HTR4: variants seen among roughly 807,000 people sequenced by gnomAD.
HTR4 encodes the protein 5-hydroxytryptamine (serotonin) receptor 4, G protein-coupled.
Under a neutral mutation model 36.8 loss-of-function variants are expected in HTR4, and 16 were observed. The ratio of observed to expected loss-of-function variants is 0.43; its 90% CI spans 0.29 to 0.66. The LOEUF is 0.66. Among genes scored for constraint, HTR4 ranks in the 30% least tolerant of loss-of-function variants. The pLI is 0.13. For synonymous variants in HTR4, 189 were observed against 185.1 expected (o/e 1.02, Z -0.17); for missense variants, 438 against 490.9 (o/e 0.89, Z 1.02).
chr5:148,608,392 C>T (rs1419885513), intron 2 of HTR4, among the ~76,000 whole-genome samples: 1 of 152,032 alleles, frequency 6.6e-6, no homozygotes, highest in African/African-American at 2.4e-5. Flanking sequence ...TGGTGGTCCA[C>T]AAAAGCTTCT....
Position 148,509,703 on chromosome 5 carries a change from C to A in HTR4, c.829G>T (p.Val277Phe). 6.2e-7 allele frequency: 1 copy of A among 1,614,082 alleles called. No homozygotes were observed. The highest frequency in any genetic ancestry group is 8.5e-7 in the Non-Finnish European group (1 of 1,180,002). The change falls in exon 6 of 7, where the codon GTC becomes TTC. Residue 277 changes from valine to phenylalanine, a missense_variant. Val to Phe is a conservative substitution (Grantham distance 50). Transcript: ENST00000377888. ...CFCLCWAPFF[V>F]TNIVDPFIDY... ...ATGAAAGGATCCACAATATTGGTGACAAAGAATGGTGCCCAGCAGAGGCAG... is the reference window on the plus strand; with the variant it reads ...ATGAAAGGATCCACAATATTGGTGAAAAAGAATGGTGCCCAGCAGAGGCAG...
intron 4 of HTR4, among the ~76,000 whole-genome samples, chr5:148,547,787 G>A (rs915689728): frequency 9.2e-5 from 14 of 152,034 alleles, no homozygotes; most frequent in African/African-American, 3.4e-4. Context: ...TCCCAAGACT[G>A]GAGGAAAACT....
intron 5 of HTR4, among the ~76,000 whole-genome samples, chr5:148,512,378 G>A (rs180702055): frequency 1.2e-4 from 18 of 152,100 alleles, no homozygotes; most frequent in African/African-American, 4.1e-4. Flanking sequence ...TTGCCCTTTC[G>A]ATATCCTGTC....
intron 2 of HTR4, among the ~76,000 whole-genome samples, chr5:148,563,597 A>G (rs552410871): frequency 3.5e-4 from 54 of 152,220 alleles, no homozygotes; most frequent in Non-Finnish European, 1.2e-4. Flanking sequence ...GGTTCTCTGT[A>G]TCTGTGGGTT....
intron 2 of HTR4, among the ~76,000 whole-genome samples, chr5:148,578,554 C>A (rs17108447): frequency 6.6e-6 from 1 of 152,018 alleles, no homozygotes; most frequent in African/African-American, 2.4e-5. Context: ...TCAACAATAA[C>A]GAATTTTCCT....
intron 4 of HTR4, among the ~76,000 whole-genome samples, chr5:148,529,599 G>A (rs1053450743): frequency 1.3e-5 from 2 of 152,216 alleles, no homozygotes; most frequent in African/African-American, 4.8e-5. Flanking sequence ...TCTTGGGTAT[G>A]TCTTTATCAG....
chr5:148,628,183 C>T (rs756026788), intron 2 of HTR4, among the ~76,000 whole-genome samples: 2 of 152,196 alleles, frequency 1.3e-5, no homozygotes, highest in African/African-American at 2.4e-5. Flanking sequence ...AAATGATAGA[C>T]CTTTTGCCAC....
intron 5 of HTR4, among the ~76,000 whole-genome samples, chr5:148,456,639 G>A (rs1755108646): frequency 6.6e-6 from 1 of 152,214 alleles, no homozygotes; most frequent in Non-Finnish European, 1.5e-5. Flanking sequence ...CACAATGGAT[G>A]CAGTAATCTT....
At chr5:148,464,423 A>G (rs769628919) in intron 5 of HTR4, among the ~76,000 whole-genome samples, 6 of 152,216 alleles carry the variant, frequency 3.9e-5, no homozygotes, top group Non-Finnish European at 7.3e-5. Flanking sequence ...AATTTTAAAA[A>G]TGGGCCAAAG....
chr5:148,561,875 A>G (rs1490142289), intron 2 of HTR4, among the ~76,000 whole-genome samples: 1 of 152,216 alleles, frequency 6.6e-6, no homozygotes, highest in Non-Finnish European at 1.5e-5. Flanking sequence ...CTCTGATAGT[A>G]ACCTGCTCTC....
intron 5 of HTR4, among the ~76,000 whole-genome samples, chr5:148,470,183 G>A (rs1043832509): frequency 6.6e-6 from 1 of 152,198 alleles, no homozygotes; most frequent in Non-Finnish European, 1.5e-5. Flanking sequence ...AATAACTGAT[G>A]ACAGTGGTAA....
chr5:148,576,666 C>T (rs532584018), intron 2 of HTR4, among the ~76,000 whole-genome samples: 50 of 152,164 alleles, frequency 3.3e-4, no homozygotes, highest in African/African-American at 1.2e-3. Flanking sequence ...AATAAGGCTG[C>T]ACATCTGTGA....
chr5:148,469,670 C>A (rs892210933), intron 5 of HTR4, among the ~76,000 whole-genome samples: 1 of 152,212 alleles, frequency 6.6e-6, no homozygotes, highest in African/African-American at 2.4e-5. Context: ...GTCCTGAGAC[C>A]AAATGGCTGG....
At position 148,490,413 on chromosome 5, in the gene HTR4, G is replaced by A. The variant is rs147574324; in HGVS notation, c.1077-7120C>T. The stretch of plus-strand genomic sequence containing the variant: ...CCCTAAAATTGACAGTATCATTTCT[G>A]ACATATGTCTTCTCATTAGTAATAT... On this transcript the variant is annotated intron_variant, in intron 6 of 6. Transcript: ENST00000377888. Among the ~76,000 whole-genome samples the A allele has an allele frequency of 3.3e-3, 504 of 152,020 alleles. 5 individuals are homozygous for A. Among genetic ancestry groups the A allele is most frequent in the African/African-American group, 0.012 (489 of 41,472 alleles).
chr5:148,590,240 T>C (rs1761506718), intron 2 of HTR4, among the ~76,000 whole-genome samples: 1 of 151,744 alleles, frequency 6.6e-6, no homozygotes. Context: ...TTCTACCTTG[T>C]TTTTATTATT....
chr5:148,597,817 G>T (rs569595143), intron 2 of HTR4, among the ~76,000 whole-genome samples: 6 of 152,292 alleles, frequency 3.9e-5, no homozygotes, highest in African/African-American at 1.2e-4. Context: ...ATTGATAAAG[G>T]CTTATCGCCT....
At chr5:148,508,489 G>A (rs1466279818) in intron 6 of HTR4, among the ~76,000 whole-genome samples, 1 of 152,090 alleles carries the variant, frequency 6.6e-6, no homozygotes, top group Non-Finnish European at 1.5e-5. Flanking sequence ...AAAAAAAATC[G>A]CTGGACCTGT....
chr5:148,473,783 C>T (rs1755630298), downstream of HTR4, among the ~76,000 whole-genome samples: 1 of 151,928 alleles, frequency 6.6e-6, no homozygotes, highest in Admixed American at 6.6e-5. Flanking sequence ...AGTGGCTTAC[C>T]AGAATTTACC....
chr5:148,637,250 GT>G (rs1407952026), intron 1 of HTR4, among the ~76,000 whole-genome samples, 189 bp from the exon 2 acceptor site: 1 of 152,090 alleles, frequency 6.6e-6, no homozygotes, highest in Non-Finnish European at 1.5e-5. Context: ...GTCACAAAAG[GT>G]TTATTTACAC....
Sources: gnomAD v4.1 joint callset for allele counts (sites outside exome capture counted in the v4.1 genomes callset) on GRCh38, gnomAD v4.1.1 for gene constraint, MANE v1.5 for transcripts, NCBI Gene and HGNC (gene_info 2026-07-23, HGNC 2026-07-21) for gene names.